Variants in NLRP14 observed in about 807,000 individuals in gnomAD.
The protein encoded by NLRP14 is NLR family pyrin domain containing 14.
In NLRP14, 105 loss-of-function variants were observed where a neutral mutation model predicts 94.7. The observed-to-expected ratio is 1.11, with a 90% confidence interval of 0.95 to 1.30. The LOEUF is 1.30. Among genes scored for constraint, NLRP14 ranks in the 50% most tolerant of loss-of-function variants. The pLI is 0.00. For missense variants in NLRP14, 1,362 were observed against 1,254.1 expected, an observed-to-expected ratio of 1.09 and a Z score of -1.30; for synonymous variants, 508 against 459.9, an observed-to-expected ratio of 1.10 and a Z score of -1.34.
At chr11:7,069,208 A>G (rs908341469) in intron 10 of NLRP14, among the ~76,000 whole-genome samples, 1 of 152,098 alleles carries the variant, frequency 6.6e-6, no homozygotes, top group African/African-American at 2.4e-5. Flanking sequence ...TTTTTCCCCT[A>G]AGGAAGATTT....
At chr11:7,047,767 T>C (rs1167490310) in intron 5 of NLRP14, among the ~76,000 whole-genome samples, 2 of 140,076 alleles carry the variant, frequency 1.4e-5, no homozygotes, top group Non-Finnish European at 1.5e-5. Flanking sequence ...TCTTTTCTTT[T>C]CTTTTTTTTT....
At chr11:7,037,277 C>A (rs1460384186) in intron 1 of NLRP14, among the ~76,000 whole-genome samples, 2 of 152,174 alleles carry the variant, frequency 1.3e-5, no homozygotes, top group Non-Finnish European at 1.5e-5. Context: ...GTTAAACAAA[C>A]AACCTTAAAA....
chr11:7,039,239 A>G (rs950404962), intron 2 of NLRP14, among the ~76,000 whole-genome samples: 2 of 152,206 alleles, frequency 1.3e-5, no homozygotes, highest in African/African-American at 4.8e-5. Context: ...TTGCTGAAAT[A>G]TGAGGAATGG....
At chr11:7,066,153 G>T (rs920210587) in intron 10 of NLRP14, among the ~76,000 whole-genome samples, 1 of 152,132 alleles carries the variant, frequency 6.6e-6, no homozygotes, top group Non-Finnish European at 1.5e-5. Context: ...ATTGCAAATG[G>T]TGCTGCAATA....
intron 4 of NLRP14, among the ~76,000 whole-genome samples, chr11:7,044,231 G>A (rs2119625428): frequency 6.6e-6 from 1 of 152,282 alleles, no homozygotes; most frequent in Admixed American, 6.5e-5. Flanking sequence ...GAGAGGGACT[G>A]GGCTGAGGAC....
chr11:7,059,776 T>C (rs1297867627), intron 8 of NLRP14, 118 bp from the exon 9 acceptor site: 1 of 874,632 alleles, frequency 1.1e-6, no homozygotes, highest in African/African-American at 1.7e-5. Context: ...GGGTGTTTCA[T>C]CTGAGATGGA....
At chr11:7,039,052 C>T (rs763223552) in intron 2 of NLRP14, among the ~76,000 whole-genome samples, 177 bp downstream of exon 2, 1 of 152,070 alleles carries the variant, frequency 6.6e-6, no homozygotes, top group Non-Finnish European at 1.5e-5. Context: ...AAGGCAGAAG[C>T]GTTTTGAGTA....
the NLRP14 span, chr11:7,090,479 A>C: frequency 1.2e-6 from 1 of 839,296 alleles, no homozygotes; most frequent in East Asian, 2.7e-5. Flanking sequence ...AAATTCGTTT[A>C]GTTTAGTTTT....
chr11:7,042,996 T>C lies in NLRP14; in HGVS notation c.970T>C (p.Tyr324His), dbSNP rs373587745. The C allele has an allele frequency of 2.5e-6, 4 of 1,614,068 alleles. No individual in the cohort carries two copies. In the Admixed American group the frequency reaches 6.7e-5, roughly 27 times the overall value. ...AAAGCAGTTGTTGAAGAATCACCAT[T>C]ATGTAGAGCTACTAGGAATGTCTGA... Reference protein sequence around the residue: ...RLKQLLKNHHYVELLGMSEDA... With the variant: ...RLKQLLKNHHHVELLGMSEDA... The change falls in exon 4 of 12, where the codon TAT becomes CAT. Residue 324 changes from tyrosine (Y) to histidine (H), a missense_variant. Physicochemically the swap from Tyr to His is moderately conservative, Grantham distance 83 (BLOSUM62 2). Transcript: ENST00000299481.
At chr11:7,028,074 A>C (rs968364583) in intron 1 of NLRP14, among the ~76,000 whole-genome samples, 3 of 151,860 alleles carry the variant, frequency 2.0e-5, no homozygotes, top group African/African-American at 7.2e-5. Context: ...ATGATCTTCC[A>C]TGGCTTTAAA....
intron 3 of NLRP14, among the ~76,000 whole-genome samples, chr11:7,041,331 C>A (rs909101040): frequency 3.3e-5 from 5 of 152,052 alleles, no homozygotes; most frequent in Non-Finnish European, 5.9e-5. Flanking sequence ...TCTCACTCTT[C>A]CCACTCCCCA....
chr11:7,047,780 T>TG (rs34236552), intron 5 of NLRP14, among the ~76,000 whole-genome samples: 11 of 149,116 alleles, frequency 7.4e-5, no homozygotes, highest in African/African-American at 2.7e-4. Context: ...TTTTTTTTTT[T>TG]GAGACAGTCT....
At chr11:7,024,631 C>A (rs1420653267) in intron 1 of NLRP14, among the ~76,000 whole-genome samples, 1 of 152,136 alleles carries the variant, frequency 6.6e-6, no homozygotes, top group Non-Finnish European at 1.5e-5. Context: ...GCTTTGTGTC[C>A]ATATCTGTCA....
At chr11:7,049,111 C>T (rs935531920) in intron 5 of NLRP14, among the ~76,000 whole-genome samples, 1 of 152,042 alleles carries the variant, frequency 6.6e-6, no homozygotes, top group Non-Finnish European at 1.5e-5. Flanking sequence ...CTAGCAGAGA[C>T]ACTATAGAAG....
intron 6 of NLRP14, among the ~76,000 whole-genome samples, chr11:7,056,515 CAAA>C (rs60703550): frequency 5.7e-5 from 7 of 122,842 alleles, no homozygotes; most frequent in African/African-American, 1.8e-4. Context: ...AGCACTAATA[CAAA>C]AAAAAAAAAA....
At chr11:7,021,509 G>A (rs1851935313) in intron 1 of NLRP14, among the ~76,000 whole-genome samples, 2 of 152,152 alleles carry the variant, frequency 1.3e-5, no homozygotes, top group African/African-American at 2.4e-5. Context: ...AAAAATGTGG[G>A]CTTTGTTGTC....
At chr11:7,037,860 T>G (rs1469297623) in intron 1 of NLRP14, among the ~76,000 whole-genome samples, 1 of 152,120 alleles carries the variant, frequency 6.6e-6, no homozygotes, top group East Asian at 1.9e-4. Flanking sequence ...TCATGGGAGT[T>G]GATGTCAAAG....
chr11:7,074,257 G>A (rs1002419519), downstream of NLRP14, among the ~76,000 whole-genome samples: 1 of 152,192 alleles, frequency 6.6e-6, no homozygotes, highest in Non-Finnish European at 1.5e-5. Context: ...TGTTACTGGT[G>A]CTGATATCCA....
At chr11:7,090,151 G>A in the NLRP14 span, 2 of 1,613,772 alleles carry the variant, frequency 1.2e-6, no homozygotes, top group Non-Finnish European at 1.7e-6. Flanking sequence ...CACCGGGTGG[G>A]CAGACCAGAT....
Sources: allele counts gnomAD v4.1 joint callset (sites outside exome capture counted in the v4.1 genomes callset), GRCh38; gene constraint gnomAD v4.1.1; transcripts MANE v1.5; gene names NCBI Gene and HGNC (gene_info 2026-07-23, HGNC 2026-07-21).